Variants in RBFOX3 observed in about 807,000 individuals in gnomAD.
RBFOX3 encodes the protein RNA binding protein fox-1 homolog 3.
In RBFOX3, 17 loss-of-function variants were observed where a neutral mutation model predicts 48.7. The ratio of observed to expected loss-of-function variants is 0.35; its 90% CI spans 0.24 to 0.52. The LOEUF (loss-of-function observed/expected upper bound fraction) is 0.52, where lower values mean the gene tolerates loss of function less well. Among genes scored for constraint, RBFOX3 ranks in the 20% least tolerant of loss-of-function variants. The pLI, the probability that RBFOX3 is intolerant of heterozygous loss-of-function variation, is 0.94. For missense variants in RBFOX3, 382 were observed against 497.5 expected (o/e 0.77, Z 2.21); for synonymous variants, 212 against 209.5 (o/e 1.01, Z -0.10).
intron 4 of RBFOX3, among the ~76,000 whole-genome samples, chr17:79,127,188 C>T (rs544629003): frequency 2.6e-4 from 40 of 152,310 alleles, no homozygotes; most frequent in African/African-American, 9.6e-4. Context: ...CATGCAGGTC[C>T]GGGTGCACCC....
intron 2 of RBFOX3, among the ~76,000 whole-genome samples, chr17:79,329,251 CAAA>C (rs1235712294): frequency 1.3e-5 from 2 of 152,220 alleles, no homozygotes; most frequent in African/African-American, 4.8e-5. Flanking sequence ...TGTATGGAAA[CAAA>C]CTCCCTTCCC....
At chr17:79,138,879 C>T (rs1297665516) in intron 4 of RBFOX3, among the ~76,000 whole-genome samples, 5 of 127,956 alleles carry the variant, frequency 3.9e-5, no homozygotes, top group African/African-American at 3.0e-5. Flanking sequence ...CACCCACACA[C>T]GCAGGCATAC....
intron 2 of RBFOX3, among the ~76,000 whole-genome samples, chr17:79,458,039 C>G (rs2074809375): frequency 6.6e-6 from 1 of 152,210 alleles, no homozygotes; most frequent in Non-Finnish European, 1.5e-5. Context: ...AATCATGCAA[C>G]CAGGCCCAGG....
At position 79,188,301 on chromosome 17, in the gene RBFOX3, C is replaced by T. The variant is rs1599877107; in HGVS notation, c.-34+47465G>A. ...AGCCCAGCCCAGCTGCCGGGGCCAGCACTCACCTTCCGGCTCAGCGGGGGT... is the reference window on the plus strand; with the variant it reads ...AGCCCAGCCCAGCTGCCGGGGCCAGTACTCACCTTCCGGCTCAGCGGGGGT... On this transcript the variant is annotated intron_variant, in intron 4 of 14. Transcript: ENST00000693108. 2.0e-5 allele frequency among the ~76,000 whole-genome samples: 3 copies of T among 152,358 alleles called. No homozygotes were observed. In the East Asian group the frequency reaches 5.8e-4, roughly 29 times the overall value.
rs137925169 is a variant in RBFOX3 at position 79,357,134 on chromosome 17, G to A, written c.-174-49310C>T. 1.8e-3 allele frequency among the ~76,000 whole-genome samples: 279 copies of A among 152,320 alleles called. 1 individual carries two copies. The highest frequency in any genetic ancestry group is 0.012 in the East Asian group (61 of 5,184). On this transcript the variant is annotated intron_variant, in intron 2 of 14. Transcript: ENST00000693108. ...CGCTGGTGACAAACTCGGCCTCCCCGGGTGCTGTGGCTGCTGCTCTTGCAC... is the reference window on the plus strand; with the variant it reads ...CGCTGGTGACAAACTCGGCCTCCCCAGGTGCTGTGGCTGCTGCTCTTGCAC...
In RBFOX3 at chr17:79,396,877, C is replaced by T. The variant is rs143671756; in HGVS notation, c.-175+85577G>A. Among the ~76,000 whole-genome samples the T allele has an allele frequency of 9.6e-4, 146 of 152,372 alleles. 1 individual carries two copies. The highest frequency in any genetic ancestry group is 3.4e-3 in the African/African-American group (142 of 41,586). On this transcript the variant is annotated intron_variant, in intron 2 of 14. Transcript: ENST00000693108. ...TGAGTGCAGCTTCCAGCGCCTCCAC[C>T]GGTCACGGGTCCGTGAAGCCGGGCC... is the stretch of plus-strand genomic sequence containing the variant.
chr17:79,648,487 T>C, the RBFOX3 span, among the ~76,000 whole-genome samples: 144,791 of 152,304 alleles, frequency 0.95, 69,167 homozygotes, highest in Non-Finnish European at 1. Context: ...CGTGGCCCCA[T>C]TGCAGAGGCT....
the RBFOX3 span, among the ~76,000 whole-genome samples, chr17:79,629,105 G>A: frequency 6.6e-6 from 1 of 152,226 alleles, no homozygotes; most frequent in Non-Finnish European, 1.5e-5. Flanking sequence ...ATGCAATCCT[G>A]CCCCCGCGCC....
intron 1 of RBFOX3, among the ~76,000 whole-genome samples, chr17:79,609,731 G>A (rs1345083430): frequency 7.0e-6 from 1 of 143,284 alleles, no homozygotes; most frequent in Non-Finnish European, 1.5e-5. Flanking sequence ...CCCTCCACGC[G>A]GGGCGCCGCG....
chr17:79,295,490 G>A (rs557434445), intron 3 of RBFOX3, among the ~76,000 whole-genome samples: 2 of 152,172 alleles, frequency 1.3e-5, no homozygotes, highest in Admixed American at 6.5e-5. Context: ...TCCAGCAAGC[G>A]CCTTCCAGCT....
intron 1 of RBFOX3, among the ~76,000 whole-genome samples, chr17:79,494,890 C>T (rs1382387328): frequency 2.0e-5 from 3 of 152,328 alleles, no homozygotes; most frequent in Admixed American, 1.3e-4. Context: ...AGAGGACCCA[C>T]GCAGGAGCCA....
intron 1 of RBFOX3, among the ~76,000 whole-genome samples, chr17:79,503,596 C>T (rs1196370178): frequency 3.9e-5 from 6 of 152,224 alleles, no homozygotes; most frequent in African/African-American, 1.4e-4. Context: ...ACCCAAACTC[C>T]CACATCTCCA....
At chr17:79,146,790 C>T (rs1310657194) in intron 4 of RBFOX3, among the ~76,000 whole-genome samples, 1 of 152,192 alleles carries the variant, frequency 6.6e-6, no homozygotes, top group Non-Finnish European at 1.5e-5. Context: ...GGAGGTCCTG[C>T]AGAAGCTGGG....
chr17:79,163,689 AC>A (rs59005790), intron 4 of RBFOX3, among the ~76,000 whole-genome samples: 19,459 of 140,074 alleles, frequency 0.14, 1,853 homozygotes, highest in African/African-American at 0.28. Context: ...GATGCCCCCC[AC>A]CCGCCCGCAC....
rs35571686 is a variant in RBFOX3 at position 79,342,979 on chromosome 17, C to CGA, written c.-174-35157_-174-35156dup. On this transcript the variant is annotated intron_variant, in intron 2 of 14. Transcript: ENST00000693108. ...GAGAGAGAAAGAGAAAGAGAAAGAG[C>CGA]GAGAGAGAGAGAGAGAGAGAGAGAA... Among the ~76,000 whole-genome samples the CGA allele has an allele frequency of 7.2e-3, 1,038 of 143,822 alleles. 8 individuals carry two copies. Among genetic ancestry groups the CGA allele is most frequent in the African/African-American group, 0.02 (761 of 38,984 alleles). 94.4% of individuals were successfully genotyped at this position (143,822 alleles called of 152,430 possible).
At chr17:79,488,308 G>A (rs2079963968) in intron 1 of RBFOX3, among the ~76,000 whole-genome samples, 1 of 152,124 alleles carries the variant, frequency 6.6e-6, no homozygotes, top group Admixed American at 6.6e-5. Context: ...GCATCACAGA[G>A]AGGCAGAAGT....
chr17:79,476,277 CG>C (rs1190792345), intron 2 of RBFOX3, among the ~76,000 whole-genome samples: 2 of 152,256 alleles, frequency 1.3e-5, no homozygotes, highest in African/African-American at 4.8e-5. Context: ...CTGGGGAACT[CG>C]CCCACAGCGC....
chr17:79,137,591 C>T (rs946516032), intron 4 of RBFOX3, among the ~76,000 whole-genome samples: 8 of 152,218 alleles, frequency 5.3e-5, no homozygotes, highest in Admixed American at 6.5e-5. Flanking sequence ...GCCTGCCCCC[C>T]GGGGCCTGAG....
intron 2 of RBFOX3, among the ~76,000 whole-genome samples, chr17:79,468,478 G>A (rs62062815): frequency 0.035 from 5,361 of 152,138 alleles, 130 homozygotes; most frequent in South Asian, 0.063. Flanking sequence ...ATGGATAGAC[G>A]GGTACACACA....
Sources: allele counts gnomAD v4.1 joint callset (sites outside exome capture counted in the v4.1 genomes callset), GRCh38; gene constraint gnomAD v4.1.1; transcripts MANE v1.5; gene names NCBI Gene and HGNC (gene_info 2026-07-23, HGNC 2026-07-21).